OPA1: variants seen among roughly 807,000 people sequenced by gnomAD.
The protein encoded by OPA1 is dynamin-like GTPase OPA1, mitochondrial.
A neutral mutation model predicts 152.9 loss-of-function variants in OPA1; 59 were observed. That is an observed-to-expected ratio of 0.39 (90% CI 0.31 to 0.48). The LOEUF is 0.48. OPA1 is among the 20% of genes least tolerant of loss of function. OPA1 has a pLI of 0.96. For synonymous variants in OPA1, 400 were observed against 389.9 expected (o/e 1.03, Z -0.31); for missense variants, 1,008 against 1,216.8 (o/e 0.83, Z 2.55).
chr3:193,615,426 T>G (rs951145848), intron 2 of OPA1, among the ~76,000 whole-genome samples: 1 of 152,186 alleles, frequency 6.6e-6, no homozygotes, highest in Non-Finnish European at 1.5e-5. Flanking sequence ...CAGTAATATT[T>G]AGGGCAAAAT....
chr3:193,616,948 G>A (rs189328032), intron 3 of OPA1, among the ~76,000 whole-genome samples: 1 of 152,196 alleles, frequency 6.6e-6, no homozygotes, highest in Admixed American at 6.5e-5. Context: ...GTACCACAGC[G>A]TAGTGGCTGA....
intron 23 of OPA1, among the ~76,000 whole-genome samples, 153 bp downstream of exon 23, chr3:193,657,385 T>C (rs1265901109): frequency 6.6e-6 from 1 of 152,214 alleles, no homozygotes; most frequent in Admixed American, 6.5e-5. Context: ...AATCTGCCCT[T>C]TAATATTTCC....
In OPA1 at chr3:193,648,842, C is replaced by A; in HGVS notation, c.1983C>A (p.Ile661=). Residue 661 remains isoleucine, a synonymous_variant, in exon 21 of 31, where the codon ATC becomes ATA. Transcript: ENST00000361510. ...KAKNEILDEV[I]SLSQVTPKHW... ...AAAATGAAATCCTTGATGAAGTTAT[C>A]AGTCTGAGCCAGGTTACACCAAAAC... 1 of 1,608,946 alleles carries A rather than the reference C, an allele frequency of 6.2e-7. No individual in the cohort carries two copies. The highest frequency in any genetic ancestry group is 1.1e-5 in the South Asian group (1 of 90,948).
chr3:193,620,912 A>G (rs865863270), intron 6 of OPA1, among the ~76,000 whole-genome samples: 2 of 152,240 alleles, frequency 1.3e-5, no homozygotes, highest in African/African-American at 2.4e-5. Flanking sequence ...ATGCAAAGAG[A>G]GACCTTAGCT....
chr3:193,668,617 C>T, intron 29 of OPA1: 1 of 1,533,466 alleles, frequency 6.5e-7, no homozygotes. Context: ...CCAGCCTGCA[C>T]CAGGCCACCC....
intron 29 of OPA1, among the ~76,000 whole-genome samples, chr3:193,682,064 G>A (rs1282950866): frequency 6.6e-6 from 1 of 152,212 alleles, no homozygotes; most frequent in African/African-American, 2.4e-5. Flanking sequence ...GCCAAATTGT[G>A]AATGCAAAAG....
At chr3:193,594,144 TATATG>T (rs1021720659) in intron 1 of OPA1, among the ~76,000 whole-genome samples, 7 of 152,342 alleles carry the variant, frequency 4.6e-5, no homozygotes, top group Admixed American at 1.3e-4. Flanking sequence ...TGTGCGTTAC[TATATG>T]CATTGTAATG....
intron 11 of OPA1, among the ~76,000 whole-genome samples, chr3:193,638,929 G>A (rs1173092296): frequency 6.6e-6 from 1 of 152,100 alleles, no homozygotes; most frequent in Non-Finnish European, 1.5e-5. Flanking sequence ...AGCTGCAAGC[G>A]GTGCTGGCAA....
intron 29 of OPA1, among the ~76,000 whole-genome samples, chr3:193,672,004 T>A (rs995807558): frequency 4.6e-5 from 7 of 152,242 alleles, no homozygotes; most frequent in Admixed American, 4.6e-4. Flanking sequence ...TTCATGAAAT[T>A]CTTTTGATTT....
intron 8 of OPA1, among the ~76,000 whole-genome samples, chr3:193,635,004 C>A (rs1414342052): frequency 6.6e-6 from 1 of 152,140 alleles, no homozygotes; most frequent in African/African-American, 2.4e-5. Context: ...TAATTAAAAT[C>A]TAAAATAATG....
chr3:193,624,981 T>C (rs1287046292), intron 6 of OPA1, among the ~76,000 whole-genome samples: 1 of 152,160 alleles, frequency 6.6e-6, no homozygotes, highest in Non-Finnish European at 1.5e-5. Flanking sequence ...AAAAATTGAG[T>C]CCATTGTTTT....
chr3:193,695,302 A>T lies in OPA1; in HGVS notation c.*702A>T, dbSNP rs1722158168. ...TGCTGTTTTCTCACTCTCTATATCC[A>T]TTTGAAATTGATTTATTTTAGATGT... On this transcript the variant is annotated 3_prime_UTR_variant, in exon 31 of 31. Transcript: ENST00000361510. 1 of 152,118 alleles carries T rather than the reference A, an allele frequency of 6.6e-6. No individual in the cohort carries two copies. The highest frequency in any genetic ancestry group is 6.5e-5 in the Admixed American group (1 of 15,270). 9.4% of individuals were successfully genotyped at this position (152,118 alleles called of 1,614,324 possible). A position where few individuals can be genotyped will look rare whatever the true frequency, so the allele number is the denominator to read the frequency against.
chr3:193,679,817 A>C (rs1015809130), intron 29 of OPA1, among the ~76,000 whole-genome samples: 8 of 152,226 alleles, frequency 5.3e-5, no homozygotes, highest in African/African-American at 1.9e-4. Context: ...ATGTATGCTC[A>C]GTGCCAGTTG....
chr3:193,647,966 C>A (rs913530066), intron 19 of OPA1, 104 bp from the exon 20 acceptor site: 1 of 817,384 alleles, frequency 1.2e-6, no homozygotes, highest in Non-Finnish European at 2.1e-6. Flanking sequence ...TAGGCGCACT[C>A]TCAGAAATTC....
rs1255428605 is a variant in OPA1 at position 193,647,160 on chromosome 3, A to G, written c.1850A>G (p.Gln617Arg). The G allele has an allele frequency of 1.2e-6, 2 of 1,612,150 alleles. No homozygotes were observed. Among genetic ancestry groups the G allele is most frequent in the African/African-American group, 1.3e-5 (1 of 74,896 alleles). The change falls in exon 19 of 31, where the codon CAA (glutamine) becomes CGA (arginine). Residue 617 changes from glutamine (Q) to arginine (R), a missense_variant. By Grantham distance (43) the Gln-to-Arg change is conservative. Transcript: ENST00000361510. ...AAAATGGTACGAGAGTCTGTTGAAC[A>G]ACAGGCTGATAGTTTCAAAGGTAAG... The part of the protein sequence containing the change: ...FWKMVRESVE[Q>R]QADSFKATRF...
chr3:193,687,008 GT>G (rs765163489), intron 29 of OPA1, among the ~76,000 whole-genome samples: 3 of 152,164 alleles, frequency 2.0e-5, no homozygotes, highest in Non-Finnish European at 2.9e-5. Flanking sequence ...GTTCTAAACT[GT>G]TATTAACCAC....
intron 6 of OPA1, among the ~76,000 whole-genome samples, chr3:193,620,519 T>C (rs1729863789): frequency 6.6e-6 from 1 of 152,238 alleles, no homozygotes; most frequent in African/African-American, 2.4e-5. Flanking sequence ...TACTCTTTGC[T>C]TGTTTTGATT....
intron 22 of OPA1, among the ~76,000 whole-genome samples, chr3:193,655,649 C>G (rs1713627159): frequency 6.6e-6 from 1 of 152,178 alleles, no homozygotes; most frequent in African/African-American, 2.4e-5. Flanking sequence ...GCCTACCTCA[C>G]AGCATTGTTA....
At chr3:193,603,224 G>T (rs1726730560) in intron 1 of OPA1, among the ~76,000 whole-genome samples, 1 of 152,202 alleles carries the variant, frequency 6.6e-6, no homozygotes, top group South Asian at 2.1e-4. Context: ...GGCCGTCCGG[G>T]CCCTTTGTGA....
Sources: allele counts gnomAD v4.1 joint callset (sites outside exome capture counted in the v4.1 genomes callset), GRCh38; gene constraint gnomAD v4.1.1; transcripts MANE v1.5; gene names NCBI Gene and HGNC (gene_info 2026-07-23, HGNC 2026-07-21).